The following FHOD3 variants were observed in gnomAD, a reference collection of about 807,000 sequenced individuals.
FHOD3 encodes FH1/FH2 domain-containing protein 3.
In FHOD3, 90 loss-of-function variants were observed where a neutral mutation model predicts 173.0. The ratio of observed to expected loss-of-function variants is 0.52; its 90% CI spans 0.44 to 0.62. The LOEUF (loss-of-function observed/expected upper bound fraction) is 0.62, where lower values mean the gene tolerates loss of function less well. Ranked by LOEUF, FHOD3 falls within the 20% of genes least tolerant of loss-of-function variation. The probability of loss-of-function intolerance (pLI) is 0.00; values close to 1 mark genes in which losing one functional copy is unlikely to be tolerated. For synonymous variants in FHOD3, 828 were observed against 823.0 expected (o/e 1.01, Z -0.10); for missense variants, 1,945 against 2,034.7 (o/e 0.96, Z 0.85).
At position 36,419,205 on chromosome 18, in the gene FHOD3, G is replaced by A. The variant is rs572894988; in HGVS notation, c.337+46461G>A. On this transcript the variant is annotated intron_variant, in intron 3 of 28. Coordinates refer to ENST00000590592, the MANE Select transcript of FHOD3 (RefSeq NM_001281740.3). Reference sequence around the variant, plus strand: ...AATTTTAAAATAATTATAATTTGCCGTCTTCTCCTTGGTCAGAGGGTACTT... The same window carrying A: ...AATTTTAAAATAATTATAATTTGCCATCTTCTCCTTGGTCAGAGGGTACTT... Among the ~76,000 whole-genome samples the A allele has an allele frequency of 2.4e-4, 36 of 151,782 alleles. No homozygotes were observed. The South Asian group carries it at 4.4e-3, about 18-fold the overall frequency.
At position 36,300,202 on chromosome 18, in the gene FHOD3, G is replaced by A. The variant is rs140014012; in HGVS notation, c.165+2202G>A. Among the ~76,000 whole-genome samples, 642 of 152,330 alleles carry A rather than the reference G, an allele frequency of 4.2e-3. 5 individuals carry two copies. Among genetic ancestry groups the A allele is most frequent in the African/African-American group, 0.015 (614 of 41,576 alleles). ...ACTAAATGACCCACTTTTTGTGCTA[G>A]AAGTGGGGAACTGAGATTCAAACCA... On this transcript the variant is annotated intron_variant, in intron 1 of 28. Coordinates refer to ENST00000590592, the MANE Select transcript of FHOD3 (RefSeq NM_001281740.3).
intron 7 of FHOD3, among the ~76,000 whole-genome samples, chr18:36,598,202 C>A (rs750835966): frequency 3.9e-5 from 6 of 152,132 alleles, no homozygotes; most frequent in Admixed American, 6.5e-5. Context: ...TAGACTCATT[C>A]CTCAGCAGGG....
At chr18:36,354,379 C>A (rs140321957) in intron 1 of FHOD3, among the ~76,000 whole-genome samples, 1 of 152,100 alleles carries the variant, frequency 6.6e-6, no homozygotes, top group African/African-American at 2.4e-5. Context: ...GAGGAGGACT[C>A]ATTTTACAGA....
At chr18:36,406,108 T>C (rs2049052536) in intron 3 of FHOD3, among the ~76,000 whole-genome samples, 2 of 151,976 alleles carry the variant, frequency 1.3e-5, no homozygotes, top group Non-Finnish European at 1.5e-5. Flanking sequence ...TTTTTGTTTT[T>C]GTTTTTGTTT....
chr18:36,439,143 G>C (rs760069973), intron 3 of FHOD3, among the ~76,000 whole-genome samples: 3 of 152,142 alleles, frequency 2.0e-5, no homozygotes, highest in Non-Finnish European at 4.4e-5. Context: ...TATGAAAAAG[G>C]CCCTTGATTT....
In FHOD3 at chr18:36,709,343, T is replaced by C. The variant is rs368676543; in HGVS notation, c.2485T>C (p.Leu829=). The C allele has an allele frequency of 1.1e-5, 17 of 1,614,014 alleles. No homozygotes were observed. Among genetic ancestry groups the C allele is most frequent in the African/African-American group, 9.3e-5 (7 of 74,906 alleles). The change falls in exon 18 of 29, where the codon TTG becomes CTG. Residue 829 remains leucine, a synonymous_variant. Coordinates refer to ENST00000590592, the MANE Select transcript of FHOD3 (RefSeq NM_001281740.3). ...ASSVSSSSST[L]EREEKEDKLS... ...CAGCGTCTCGTCCTCCAGCAGCACG[T>C]TGGAGAGGGAGGAGAAGGAGGACAA... is the stretch of plus-strand genomic sequence containing the variant.
At chr18:36,349,811 G>A (rs1236368004) in intron 1 of FHOD3, among the ~76,000 whole-genome samples, 1 of 152,130 alleles carries the variant, frequency 6.6e-6, no homozygotes, top group African/African-American at 2.4e-5. Flanking sequence ...GTCTCACTCT[G>A]TTGGAGTGCA....
chr18:36,472,563 C>A (rs567964490), intron 3 of FHOD3, among the ~76,000 whole-genome samples: 1 of 152,296 alleles, frequency 6.6e-6, no homozygotes, highest in East Asian at 1.9e-4. Flanking sequence ...AGTCACTCCT[C>A]ATCCCCATCT....
rs184287919 is a variant in FHOD3, at chr18:36,339,699, T to C, written c.166-15840T>C. Among the ~76,000 whole-genome samples, 468 of 152,246 alleles carry C rather than the reference T, an allele frequency of 3.1e-3. 2 individuals carry two copies. Among genetic ancestry groups the C allele is most frequent in the Non-Finnish European group, 4.0e-3 (273 of 68,006 alleles). ...GAGTTGGGGTTGGGCATGTTCTTCA[T>C]GTGCAGAGTGGTGGGGCTGGGGCTG... On this transcript the variant is annotated intron_variant, in intron 1 of 28. Transcript: ENST00000590592.
chr18:36,529,230 C>T (rs79031361), intron 5 of FHOD3, among the ~76,000 whole-genome samples: 1 of 152,120 alleles, frequency 6.6e-6, no homozygotes, highest in African/African-American at 2.4e-5. Context: ...CGTTCAGGGA[C>T]AGATGGGTGT....
intron 3 of FHOD3, among the ~76,000 whole-genome samples, chr18:36,420,459 G>C (rs2049928838): frequency 6.6e-6 from 1 of 152,160 alleles, no homozygotes; most frequent in African/African-American, 2.4e-5. Context: ...GTGCCAGCCT[G>C]CCCACACCTG....
chr18:36,427,225 G>A lies in FHOD3; in HGVS notation c.337+54481G>A, dbSNP rs1324758824. 2.9e-5 allele frequency among the ~76,000 whole-genome samples: 4 copies of A among 139,566 alleles called. No individual in the cohort carries two copies. The East Asian group carries it at 6.6e-4, about 23-fold the overall frequency. 91.6% of individuals were successfully genotyped at this position (139,566 alleles called of 152,430 possible). On this transcript the variant is annotated intron_variant, in intron 3 of 28. Transcript: ENST00000590592. Reference sequence around the variant, plus strand: ...ATTTTAAATATGGTAACTATGAGACGAGAAAGATCACACTGCCAGCAGAGG... The same window carrying A: ...ATTTTAAATATGGTAACTATGAGACAAGAAAGATCACACTGCCAGCAGAGG...
chr18:36,500,304 A>C (rs2054964401), intron 3 of FHOD3, among the ~76,000 whole-genome samples: 2 of 152,052 alleles, frequency 1.3e-5, no homozygotes, highest in South Asian at 4.2e-4. Flanking sequence ...AGCTTTACCT[A>C]TCTGTGTCCT....
Position 36,733,023 on chromosome 18 carries a change from A to G in FHOD3, c.3576+2219A>G, listed in dbSNP as rs531451764. Among the ~76,000 whole-genome samples the G allele has an allele frequency of 2.0e-5, 3 of 152,312 alleles. No individual in the cohort carries two copies. The South Asian group carries it at 6.2e-4, about 32-fold the overall frequency. ...ATGACAAAGGTCTTGAGTAAATACCACTAGAGGGAAATTAACATTGCCGAC... is the reference window on the plus strand; with the variant it reads ...ATGACAAAGGTCTTGAGTAAATACCGCTAGAGGGAAATTAACATTGCCGAC... On this transcript the variant is annotated intron_variant, in intron 20 of 28. Transcript: ENST00000590592.
chr18:36,550,697 A>AT (rs2147328663), intron 5 of FHOD3, among the ~76,000 whole-genome samples: 1 of 152,110 alleles, frequency 6.6e-6, no homozygotes, highest in East Asian at 1.9e-4. Context: ...ATTTTTATGT[A>AT]TTTTTTAAAA....
In FHOD3 at chr18:36,649,179, G is replaced by T. The variant is rs202191349; in HGVS notation, c.1197-137G>T. 28,788 of 491,318 alleles carry T rather than the reference G, an allele frequency of 0.059. 1,031 individuals carry two copies. Among genetic ancestry groups the T allele is most frequent in the East Asian group, 0.2 (5,497 of 27,330 alleles). The allele number at this position is 491,318 out of a possible 1,614,324, so 30.4% of individuals were successfully genotyped here. On this transcript the variant is annotated intron_variant, in intron 10 of 28. Coordinates refer to ENST00000590592, the MANE Select transcript of FHOD3 (RefSeq NM_001281740.3). ...TTTCTTCATTTCAGCCAGCTGGGTG[G>T]TTTTTTTTTTTTAATTATTATTATT...
chr18:36,651,821 T>C (rs2036074689), intron 11 of FHOD3, among the ~76,000 whole-genome samples: 1 of 152,212 alleles, frequency 6.6e-6, no homozygotes, highest in African/African-American at 2.4e-5. Context: ...TGCATAATGA[T>C]GACCACAATC....
intron 19 of FHOD3, among the ~76,000 whole-genome samples, chr18:36,722,217 A>G (rs1452626585): frequency 6.6e-6 from 1 of 152,196 alleles, no homozygotes; most frequent in Non-Finnish European, 1.5e-5. Flanking sequence ...TGAGCCCCAT[A>G]GGAGACAAAG....
chr18:36,552,408 G>A (rs563729669), intron 5 of FHOD3, among the ~76,000 whole-genome samples: 10 of 152,178 alleles, frequency 6.6e-5, no homozygotes, highest in South Asian at 4.1e-4. Context: ...TGAGACTATC[G>A]GGTTTTCTAA....
Sources: allele counts gnomAD v4.1 joint callset (sites outside exome capture counted in the v4.1 genomes callset), GRCh38; gene constraint gnomAD v4.1.1; transcripts MANE v1.5; gene names NCBI Gene and HGNC (gene_info 2026-07-23, HGNC 2026-07-21).